CFDP1: variants seen among roughly 807,000 people sequenced by gnomAD.
CFDP1 encodes the protein chromatin remodeling protein CFDP1, also known as heterochromatin-stabilizing protein CFDP1.
In CFDP1, 31 loss-of-function variants were observed where a neutral mutation model predicts 40.1. The observed-to-expected ratio is 0.77, with a 90% CI of 0.58 to 1.04. The LOEUF is 1.04. Among genes scored for constraint, CFDP1 ranks in the 50% least tolerant of loss-of-function variants. The probability of loss-of-function intolerance (pLI) is 0.00; values close to 1 mark genes in which losing one functional copy is unlikely to be tolerated. For synonymous variants in CFDP1, 167 were observed against 120.0 expected (o/e 1.39, Z -2.56); for missense variants, 423 against 343.4 (o/e 1.23, Z -1.83).
intron 5 of CFDP1, among the ~76,000 whole-genome samples, chr16:75,312,846 T>C (rs890075412): frequency 2.0e-5 from 3 of 152,190 alleles, no homozygotes; most frequent in Non-Finnish European, 4.4e-5. Context: ...ATGGACTGTT[T>C]TCCCAAAAGC....
intron 5 of CFDP1, among the ~76,000 whole-genome samples, chr16:75,333,501 A>G (rs1263549081): frequency 6.6e-6 from 1 of 152,246 alleles, no homozygotes; most frequent in Non-Finnish European, 1.5e-5. Context: ...AAAAAAGGAA[A>G]AAAGTAGTAA....
intron 6 of CFDP1, among the ~76,000 whole-genome samples, chr16:75,294,355 G>T (rs1163128559): frequency 6.6e-6 from 1 of 152,230 alleles, no homozygotes; most frequent in Non-Finnish European, 1.5e-5. Context: ...TCAAGTCCTA[G>T]CTCTAGCTCA....
At chr16:75,428,010 T>G (rs1033879056) in intron 1 of CFDP1, among the ~76,000 whole-genome samples, 22 of 152,186 alleles carry the variant, frequency 1.4e-4, no homozygotes, top group African/African-American at 5.3e-4. Context: ...TATGGTTCCA[T>G]TTAGATTATA....
At chr16:75,358,915 G>A (rs1386767310) in intron 5 of CFDP1, among the ~76,000 whole-genome samples, 1 of 152,084 alleles carries the variant, frequency 6.6e-6, no homozygotes, top group African/African-American at 2.4e-5. Flanking sequence ...AACGTTAGAA[G>A]AGCTGTATAA....
intron 1 of CFDP1, among the ~76,000 whole-genome samples, chr16:75,430,036 C>T (rs2079391495): frequency 2.6e-5 from 4 of 152,172 alleles, no homozygotes. Flanking sequence ...TAAGACAGGA[C>T]AACTCGGGGT....
At chr16:75,397,128 A>C (rs922838336) in intron 4 of CFDP1, among the ~76,000 whole-genome samples, 3 of 151,498 alleles carry the variant, frequency 2.0e-5, no homozygotes, top group Non-Finnish European at 2.9e-5. Context: ...GTTAGCCAGG[A>C]TGGTCTTGAT....
chr16:75,411,851 C>G lies in CFDP1; in HGVS notation c.504G>C (p.Val168=). The G allele has an allele frequency of 6.2e-7, 1 of 1,609,130 alleles. No homozygotes were observed. The highest frequency in any genetic ancestry group is 2.2e-5 in the East Asian group (1 of 44,784). Reference sequence around the variant, plus strand: ...TTACTTCTTCACCAGCAAAATCAAACACCTTGGTGATTTTAACTTTTTCTG... The same window carrying G: ...TTACTTCTTCACCAGCAAAATCAAAGACCTTGGTGATTTTAACTTTTTCTG... ...KETEKVKITK[V]FDFAGEEVRV... is the part of the protein sequence containing the mutation. The change falls in exon 4 of 7, where the codon GTG becomes GTC. Residue 168 remains valine, a synonymous_variant. Transcript: ENST00000283882.
intron 5 of CFDP1, among the ~76,000 whole-genome samples, chr16:75,352,439 AAGG>A (rs1174528911): frequency 1.3e-5 from 2 of 152,198 alleles, no homozygotes; most frequent in Non-Finnish European, 2.9e-5. Flanking sequence ...CCAAACAGAG[AAGG>A]AGATGAGACT....
chr16:75,394,459 T>C (rs976985255), intron 5 of CFDP1, among the ~76,000 whole-genome samples: 1 of 152,236 alleles, frequency 6.6e-6, no homozygotes, highest in African/African-American at 2.4e-5. Context: ...TCTTTTTATG[T>C]TCCTCTAAGA....
intron 5 of CFDP1, among the ~76,000 whole-genome samples, chr16:75,367,430 T>A (rs1408782157): frequency 7.3e-4 from 87 of 119,932 alleles, no homozygotes; most frequent in Non-Finnish European, 7.9e-4. Context: ...ACTCCAGAAC[T>A]AAAAAAAAAA....
chr16:75,409,793 T>G (rs994370686), intron 4 of CFDP1, among the ~76,000 whole-genome samples: 1 of 152,166 alleles, frequency 6.6e-6, no homozygotes, highest in African/African-American at 2.4e-5. Flanking sequence ...TAACCAGTGG[T>G]GAATCTGGAT....
Position 75,381,983 on chromosome 16 carries a change from G to A in CFDP1, c.650+13107C>T, listed in dbSNP as rs116595405. The stretch of plus-strand genomic sequence containing the variant: ...CAGAGACAATTAGCCAGGCATGGTG[G>A]TGCATGCCTGTAGTCCCAGCTACAC... On this transcript the variant is annotated intron_variant, in intron 5 of 6. Coordinates refer to ENST00000283882, the MANE Select transcript of CFDP1 (RefSeq NM_006324.3). Among the ~76,000 whole-genome samples, 74 of 152,190 alleles carry A rather than the reference G, an allele frequency of 4.9e-4. 1 individual carries two copies. Among genetic ancestry groups the A allele is most frequent in the African/African-American group, 1.7e-3 (72 of 41,522 alleles).
intron 1 of CFDP1, among the ~76,000 whole-genome samples, chr16:75,424,105 G>C (rs902408494): frequency 6.6e-6 from 1 of 152,094 alleles, no homozygotes; most frequent in African/African-American, 2.4e-5. Flanking sequence ...TGGAGAAAAA[G>C]CATTTGACAA....
At chr16:75,341,556 C>G (rs2151520558) in intron 5 of CFDP1, among the ~76,000 whole-genome samples, 1 of 152,072 alleles carries the variant, frequency 6.6e-6, no homozygotes, top group Non-Finnish European at 1.5e-5. Context: ...TCAAGGGAAC[C>G]CTCTCAGTGA....
chr16:75,333,408 C>G (rs1476779120), intron 5 of CFDP1, among the ~76,000 whole-genome samples: 2 of 152,196 alleles, frequency 1.3e-5, no homozygotes, highest in East Asian at 3.9e-4. Context: ...CAGGCATGAG[C>G]CACCACACCC....
Position 75,433,346 on chromosome 16 carries a change from C to T in CFDP1, c.7G>A (p.Glu3Lys), listed in dbSNP as rs1475435559. The T allele has an allele frequency of 5.6e-6, 9 of 1,593,856 alleles. No homozygotes were observed. The East Asian group carries it at 6.8e-5, about 12-fold the overall frequency. Residue 3 changes from glutamate to lysine, a missense_variant, in exon 1 of 7, where the codon GAA (glutamate) becomes AAA (lysine). Transcript: ENST00000283882. The stretch of plus-strand genomic sequence containing the variant: ...GTAGAGAAGTCTTCGGAGTCGAATT[C>T]CTCCATGTTGCTGCCGCTCGACGCT... ME[E>K]FDSEDFSTSE...
intron 5 of CFDP1, among the ~76,000 whole-genome samples, chr16:75,341,138 C>T (rs137927331): frequency 6.6e-6 from 1 of 152,264 alleles, no homozygotes; most frequent in African/African-American, 2.4e-5. Context: ...TTAATTATTC[C>T]TAATGATGCT....
rs142313764 is a variant in CFDP1 at position 75,395,326 on chromosome 16, C to T, written c.531-117G>A. 1.4e-4 allele frequency: 154 copies of T among 1,062,728 alleles called. No individual in the cohort carries two copies. The Middle Eastern group carries it at 1.7e-3, about 12-fold the overall frequency. 65.8% of individuals were successfully genotyped at this position (1,062,728 alleles called of 1,614,324 possible). ...CACTCGGCTTCCAATAAATTCTGGACGCTCAGCATTATGATAAAAGTTTAC... is the reference window on the plus strand; with the variant it reads ...CACTCGGCTTCCAATAAATTCTGGATGCTCAGCATTATGATAAAAGTTTAC... On this transcript the variant is annotated intron_variant, in intron 4 of 6. Coordinates refer to ENST00000283882, the MANE Select transcript of CFDP1 (RefSeq NM_006324.3).
chr16:75,421,213 C>T (rs2079276497), intron 1 of CFDP1, among the ~76,000 whole-genome samples: 1 of 152,176 alleles, frequency 6.6e-6, no homozygotes, highest in Admixed American at 6.6e-5. Context: ...GGAAGCACAG[C>T]AGCAGGAACT....
Sources: gnomAD v4.1 joint callset for allele counts (sites outside exome capture counted in the v4.1 genomes callset) on GRCh38, gnomAD v4.1.1 for gene constraint, MANE v1.5 for transcripts, NCBI Gene and HGNC (gene_info 2026-07-23, HGNC 2026-07-21) for gene names.